The following PRKG1 variants were observed in gnomAD, a reference collection of about 807,000 sequenced individuals.
The protein encoded by PRKG1 is protein kinase cGMP-dependent 1.
Under a neutral mutation model 88.1 loss-of-function variants are expected in PRKG1, and 35 were observed. The observed-to-expected ratio is 0.40, with a 90% CI of 0.30 to 0.53. The LOEUF is 0.53. Among genes scored for constraint, PRKG1 ranks in the 20% least tolerant of loss-of-function variants. The pLI, the probability that PRKG1 is intolerant of heterozygous loss-of-function variation, is 0.59. For missense variants in PRKG1, 540 were observed against 839.8 expected, an observed-to-expected ratio of 0.64 and a Z score of 4.41; for synonymous variants, 303 against 292.5, an observed-to-expected ratio of 1.04 and a Z score of -0.37.
At chr10:52,272,282 C>T (rs554227469) in intron 11 of PRKG1, 110 bp from the exon 12 acceptor site, 2 of 754,898 alleles carry the variant, frequency 2.6e-6, no homozygotes, top group African/African-American at 3.6e-5. Context: ...CTCATTCTGA[C>T]AAAATTTTGA....
intron 2 of PRKG1, among the ~76,000 whole-genome samples, chr10:51,325,110 C>T (rs1299904791): frequency 6.6e-6 from 1 of 152,150 alleles, no homozygotes; most frequent in Non-Finnish European, 1.5e-5. Context: ...TTTTAATTTG[C>T]ATTTCCCTAA....
chr10:51,025,697 G>A (rs756281145), intron 1 of PRKG1, among the ~76,000 whole-genome samples: 2 of 152,036 alleles, frequency 1.3e-5, no homozygotes, highest in African/African-American at 2.4e-5. Flanking sequence ...CTACTCTGTC[G>A]TCAGGCTGAA....
At chr10:52,033,826 G>C (rs967310474) in intron 5 of PRKG1, among the ~76,000 whole-genome samples, 2 of 152,056 alleles carry the variant, frequency 1.3e-5, no homozygotes, top group African/African-American at 4.8e-5. Flanking sequence ...TATTTCACCC[G>C]GGTGCAGGCG....
At chr10:51,897,611 T>G (rs949167190) in intron 4 of PRKG1, among the ~76,000 whole-genome samples, 4 of 152,204 alleles carry the variant, frequency 2.6e-5, no homozygotes, top group African/African-American at 9.6e-5. Flanking sequence ...AAAAATTAAA[T>G]TGTTTTTATT....
chr10:51,059,587 T>A (rs1049453177), intron 1 of PRKG1, among the ~76,000 whole-genome samples: 1 of 152,160 alleles, frequency 6.6e-6, no homozygotes, highest in African/African-American at 2.4e-5. Context: ...AAAATTATTT[T>A]AAAATTATAA....
chr10:51,392,800 CGGGCGGG>C (rs1837451050), intron 2 of PRKG1, among the ~76,000 whole-genome samples: 3 of 145,664 alleles, frequency 2.1e-5, no homozygotes, highest in Non-Finnish European at 4.6e-5. Context: ...GGCGGCTGGC[CGGGCGGG>C]GGGCTGACCC....
intron 10 of PRKG1, 116 bp from the exon 11 acceptor site, chr10:52,271,233 GA>G: frequency 9.2e-7 from 1 of 1,081,868 alleles, no homozygotes; most frequent in Non-Finnish European, 1.3e-6. Context: ...ACTGTGTTTT[GA>G]CTTGGGAGGT....
chr10:51,279,096 C>CTTTAATGTATAAG, intron 2 of PRKG1, among the ~76,000 whole-genome samples: 1 of 152,260 alleles, frequency 6.6e-6, no homozygotes, highest in East Asian at 1.9e-4. Flanking sequence ...ACATTTAGTG[C>CTTTAATGTATAAG]TATAAGTTTC....
At chr10:51,748,911 A>C (rs1008390054) in intron 3 of PRKG1, among the ~76,000 whole-genome samples, 1 of 152,238 alleles carries the variant, frequency 6.6e-6, no homozygotes, top group Non-Finnish European at 1.5e-5. Context: ...TCACTATTTC[A>C]GATTACCTTT....
At chr10:51,141,665 A>G (rs1380700425) in intron 1 of PRKG1, among the ~76,000 whole-genome samples, 4 of 152,306 alleles carry the variant, frequency 2.6e-5, no homozygotes, top group Admixed American at 2.0e-4. Context: ...TTCAAGTTAT[A>G]AAATCACATT....
chr10:51,179,983 A>C (rs1285722561), intron 2 of PRKG1, among the ~76,000 whole-genome samples: 2 of 152,158 alleles, frequency 1.3e-5, no homozygotes, highest in Admixed American at 6.5e-5. Context: ...ATAAATGTCC[A>C]TCTTTTATTA....
chr10:51,717,143 G>A (rs1383437736), intron 3 of PRKG1, among the ~76,000 whole-genome samples: 2 of 152,188 alleles, frequency 1.3e-5, no homozygotes, highest in African/African-American at 4.8e-5. Flanking sequence ...TCAGGTCGAC[G>A]TACCCAGGTC....
chr10:51,501,341 A>G (rs977039688), intron 3 of PRKG1, among the ~76,000 whole-genome samples: 1 of 152,168 alleles, frequency 6.6e-6, no homozygotes, highest in African/African-American at 2.4e-5. Context: ...TGACTTTGCA[A>G]TTAAAGTGCT....
intron 5 of PRKG1, among the ~76,000 whole-genome samples, chr10:51,932,956 T>G (rs1842726067): frequency 6.6e-6 from 1 of 152,170 alleles, no homozygotes; most frequent in African/African-American, 2.4e-5. Flanking sequence ...GTTGACATTC[T>G]TGTCAGAAAT....
At chr10:51,265,244 G>C (rs1434312696) in intron 2 of PRKG1, among the ~76,000 whole-genome samples, 1 of 152,126 alleles carries the variant, frequency 6.6e-6, no homozygotes, top group Non-Finnish European at 1.5e-5. Flanking sequence ...CCTGGAGACA[G>C]TAGTAGTAGT....
intron 1 of PRKG1, among the ~76,000 whole-genome samples, chr10:51,021,334 A>G (rs1307629401): frequency 1.3e-5 from 2 of 152,154 alleles, no homozygotes; most frequent in Non-Finnish European, 2.9e-5. Flanking sequence ...CTAATGACAA[A>G]CCATACGTCC....
intron 2 of PRKG1, among the ~76,000 whole-genome samples, chr10:51,264,298 T>C (rs12262817): frequency 0.11 from 17,277 of 152,172 alleles, 1,354 homozygotes; most frequent in African/African-American, 0.22. Flanking sequence ...GGAACTTTAA[T>C]TACAATGATG....
intron 2 of PRKG1, among the ~76,000 whole-genome samples, chr10:51,195,813 T>A (rs924852508): frequency 6.6e-6 from 1 of 152,196 alleles, no homozygotes; most frequent in Admixed American, 6.5e-5. Flanking sequence ...GAAGTGGTTA[T>A]TCTTTTATAC....
chr10:51,146,287 A>C (rs1189472305), intron 1 of PRKG1, among the ~76,000 whole-genome samples: 1 of 151,996 alleles, frequency 6.6e-6, no homozygotes, highest in Non-Finnish European at 1.5e-5. Flanking sequence ...TAACTGGTTT[A>C]AGATGATGGC....
Sources: gnomAD v4.1 joint callset for allele counts (sites outside exome capture counted in the v4.1 genomes callset) on GRCh38, gnomAD v4.1.1 for gene constraint, MANE v1.5 for transcripts, NCBI Gene and HGNC (gene_info 2026-07-23, HGNC 2026-07-21) for gene names.